HECW1: variants seen among roughly 807,000 people sequenced by gnomAD.
HECW1 encodes the protein E3 ubiquitin-protein ligase HECW1.
Under a neutral mutation model 182.3 loss-of-function variants are expected in HECW1, and 61 were observed. The observed-to-expected ratio is 0.33, with a 90% CI of 0.27 to 0.41. The LOEUF is 0.41. Among genes scored for constraint, HECW1 ranks in the 10% least tolerant of loss-of-function variants. The pLI is 1.00. For missense variants in HECW1, 1,739 were observed against 2,108.9 expected (o/e 0.82, Z 3.44); for synonymous variants, 859 against 832.6 (o/e 1.03, Z -0.55).
rs150638843 is a variant in HECW1, at chr7:43,188,692, G to A, written c.-31-55183G>A. On this transcript the variant is annotated intron_variant, in intron 2 of 29. Transcript: ENST00000395891. ...TCAATAAAAATTAAATGTACTGGCT[G>A]GAAATGACACATGTTACTTTGGGTC... Among the ~76,000 whole-genome samples the A allele has an allele frequency of 2.2e-3, 341 of 152,278 alleles. 3 individuals carry two copies. Among genetic ancestry groups the A allele is most frequent in the Admixed American group, 8.0e-3 (123 of 15,298 alleles).
intron 8 of HECW1, among the ~76,000 whole-genome samples, chr7:43,409,390 T>TG (rs971546550): frequency 1.5e-4 from 23 of 152,204 alleles, no homozygotes; most frequent in African/African-American, 5.5e-4. Flanking sequence ...TTATTTTGTA[T>TG]GGGGGGAAAG....
At chr7:43,448,238 C>A (rs2077124742) in intron 11 of HECW1, among the ~76,000 whole-genome samples, 1 of 152,180 alleles carries the variant, frequency 6.6e-6, no homozygotes, top group South Asian at 2.1e-4. Flanking sequence ...TATAGAGGAA[C>A]ACTGTTCTAA....
chr7:43,279,222 A>G (rs772547330), intron 3 of HECW1, among the ~76,000 whole-genome samples: 2 of 152,192 alleles, frequency 1.3e-5, no homozygotes, highest in Non-Finnish European at 2.9e-5. Flanking sequence ...GAACTGACTG[A>G]ATAAGTTTTA....
chr7:43,526,215 G>C (rs1471009662), intron 24 of HECW1, among the ~76,000 whole-genome samples: 1 of 152,136 alleles, frequency 6.6e-6, no homozygotes, highest in African/African-American at 2.4e-5. Flanking sequence ...ACTTGATGTT[G>C]TCAGAGCCAT....
chr7:43,552,410 G>A, intron 28 of HECW1, 74 bp downstream of exon 28: 2 of 974,036 alleles, frequency 2.1e-6, no homozygotes, highest in South Asian at 1.3e-5. Context: ...TTGTTTTGTT[G>A]AGGTGAAATT....
At position 43,445,285 on chromosome 7, in the gene HECW1, C is replaced by G; in HGVS notation, c.2113C>G (p.Pro705Ala). 1 of 1,612,830 alleles carries G rather than the reference C, an allele frequency of 6.2e-7. No homozygotes were observed. Among genetic ancestry groups the G allele is most frequent in the South Asian group, 1.1e-5 (1 of 91,072 alleles). ...SSCYSASCYS[P>A]SCYNGNRFAS... ...GTGCTACAGCGCCTCGTGCTACAGCCCCTCCTGCTACAACGGCAACAGGTT... is the reference window on the plus strand; with the variant it reads ...GTGCTACAGCGCCTCGTGCTACAGCGCCTCCTGCTACAACGGCAACAGGTT... The change falls in exon 11 of 30, where the codon CCC becomes GCC. Residue 705 changes from proline to alanine, a missense_variant. Physicochemically the swap from Pro to Ala is conservative, Grantham distance 27 (BLOSUM62 -1). Transcript: ENST00000395891.
intron 24 of HECW1, among the ~76,000 whole-genome samples, chr7:43,518,199 T>TA (rs779044397): frequency 8.6e-5 from 13 of 151,958 alleles, no homozygotes; most frequent in Non-Finnish European, 1.8e-4. Flanking sequence ...CTAGAATCTA[T>TA]AAAAGAAAAG....
At chr7:43,368,832 G>A (rs952735599) in intron 6 of HECW1, among the ~76,000 whole-genome samples, 1 of 152,176 alleles carries the variant, frequency 6.6e-6, no homozygotes, top group Non-Finnish European at 1.5e-5. Context: ...ACTCTAAGAA[G>A]CAAAACGCCA....
intron 8 of HECW1, among the ~76,000 whole-genome samples, chr7:43,416,995 G>A (rs1041582404): frequency 2.0e-5 from 3 of 152,150 alleles, no homozygotes; most frequent in Admixed American, 6.5e-5. Context: ...CTTCTGCGTC[G>A]CTCACGCTGG....
At chr7:43,140,147 A>T (rs529297797) in intron 2 of HECW1, among the ~76,000 whole-genome samples, 2 of 152,228 alleles carry the variant, frequency 1.3e-5, no homozygotes, top group South Asian at 4.2e-4. Flanking sequence ...TCACCTTGAA[A>T]CTTTGGAATT....
intron 2 of HECW1, among the ~76,000 whole-genome samples, chr7:43,136,885 T>C (rs1283531031): frequency 6.6e-6 from 1 of 152,176 alleles, no homozygotes; most frequent in Admixed American, 6.5e-5. Context: ...CTAAGACTGA[T>C]CCCACTGTTT....
chr7:43,448,143 AAG>A (rs1330778838), intron 11 of HECW1, among the ~76,000 whole-genome samples: 1 of 152,100 alleles, frequency 6.6e-6, no homozygotes, highest in Admixed American at 6.5e-5. Context: ...CTCAAAAAAA[AAG>A]AGAGAGAGAA....
chr7:43,187,554 CG>C (rs1202956919), intron 2 of HECW1, among the ~76,000 whole-genome samples: 4 of 148,846 alleles, frequency 2.7e-5, no homozygotes, highest in Non-Finnish European at 4.4e-5. Flanking sequence ...ATTCTAAAAT[CG>C]TTTTTGTGAC....
intron 2 of HECW1, among the ~76,000 whole-genome samples, chr7:43,205,576 G>A (rs1583962586): frequency 6.6e-6 from 1 of 152,174 alleles, no homozygotes; most frequent in Non-Finnish European, 1.5e-5. Context: ...GTCAAGGAGA[G>A]TCTTTGTCCC....
intron 7 of HECW1, among the ~76,000 whole-genome samples, chr7:43,401,185 C>G (rs1234352355): frequency 1.3e-5 from 2 of 152,084 alleles, no homozygotes; most frequent in African/African-American, 4.8e-5. Context: ...CTACCGCAGT[C>G]AAGAAGAGAT....
chr7:43,166,695 A>T (rs1430663512), intron 2 of HECW1, among the ~76,000 whole-genome samples: 2 of 152,274 alleles, frequency 1.3e-5, no homozygotes, highest in Admixed American at 1.3e-4. Context: ...GAGGAAGTAT[A>T]ATAGGAACCT....
intron 17 of HECW1, among the ~76,000 whole-genome samples, chr7:43,488,448 GAA>G (rs1284209767): frequency 7.4e-6 from 1 of 134,984 alleles, no homozygotes; most frequent in East Asian, 2.1e-4. Context: ...AAGAAAGAAA[GAA>G]AGAAAGAAAG....
At chr7:43,480,956 A>G (rs1345494544) in intron 17 of HECW1, among the ~76,000 whole-genome samples, 1 of 152,170 alleles carries the variant, frequency 6.6e-6, no homozygotes, top group Non-Finnish European at 1.5e-5. Context: ...ACTATTTCCA[A>G]CCAGTGGCAC....
chr7:43,493,243 A>C (rs1460218414), intron 19 of HECW1, 63 bp downstream of exon 19: 2 of 1,070,458 alleles, frequency 1.9e-6, no homozygotes, highest in Non-Finnish European at 2.9e-6. Context: ...CCGGTGGGAA[A>C]ACACCTCTGT....
Sources: allele counts gnomAD v4.1 joint callset (sites outside exome capture counted in the v4.1 genomes callset), GRCh38; gene constraint gnomAD v4.1.1; transcripts MANE v1.5; gene names NCBI Gene and HGNC (gene_info 2026-07-23, HGNC 2026-07-21).